POLR1A: variants seen among roughly 807,000 people sequenced by gnomAD.
The protein encoded by POLR1A is RNA polymerase I subunit A, also known as DNA-directed RNA polymerase I subunit RPA1.
Under a neutral mutation model 205.3 loss-of-function variants are expected in POLR1A, and 84 were observed. That is an observed-to-expected ratio of 0.41 (90% CI 0.34 to 0.49). The LOEUF (loss-of-function observed/expected upper bound fraction) is 0.49. Among genes scored for constraint, POLR1A ranks in the 20% least tolerant of loss-of-function variants. The probability of loss-of-function intolerance (pLI) is 0.22; values close to 1 mark genes in which losing one functional copy is unlikely to be tolerated. For missense variants in POLR1A, 1,645 were observed against 2,204.5 expected (o/e 0.75, Z 5.08); for synonymous variants, 799 against 863.7 (o/e 0.93, Z 1.31).
Position 86,078,107 on chromosome 2 carries a change from TGCTCACC to T in POLR1A, c.1257_1257+6del. On this transcript the variant is annotated splice_donor_variant and splice_donor_5th_base_variant and coding_sequence_variant and intron_variant, in exon 10 of 34. Coordinates refer to ENST00000263857, the MANE Select transcript of POLR1A (RefSeq NM_015425.6). LOFTEE classifies it high-confidence loss of function. ...AGCTAGCAATGGGAATCCAGTTTTTTGCTCACCTGCCTAATGCCTGGGTACTTGTCCA... is the reference window on the plus strand; with the variant it reads ...AGCTAGCAATGGGAATCCAGTTTTTTTGCCTAATGCCTGGGTACTTGTCCA... 6.2e-7 allele frequency: 1 copy of T among 1,613,118 alleles called. No homozygotes were observed. The highest frequency in any genetic ancestry group is 8.5e-7 in the Non-Finnish European group (1 of 1,179,802).
Position 86,028,946 on chromosome 2 carries a change from T to C in POLR1A, c.4780-235A>G, listed in dbSNP as rs1672325665. On this transcript the variant is annotated intron_variant, in intron 31 of 33. Transcript: ENST00000263857. This position sits in a 1 kb window ranked among gnomAD's most constrained non-coding sequence, Gnocchi z 4.5. ...ATCGTCATTACAAGAATCCAGCGTG[T>C]CCACTTTGGACACGCTTTAGATTCA... is the stretch of plus-strand genomic sequence containing the variant. 3 of 518,106 alleles carry C rather than the reference T, an allele frequency of 5.8e-6. No homozygotes were observed. The highest frequency in any genetic ancestry group is 6.9e-6 in the Non-Finnish European group (2 of 290,522). 32.1% of individuals were successfully genotyped at this position (518,106 alleles called of 1,614,324 possible). A position where few individuals can be genotyped will look rare whatever the true frequency, so the allele number is the denominator to read the frequency against.
chr2:86,090,457 A>G (rs1459627011), intron 3 of POLR1A, among the ~76,000 whole-genome samples: 1 of 151,962 alleles, frequency 6.6e-6, no homozygotes, highest in East Asian at 1.9e-4. Flanking sequence ...GATTCCCCAG[A>G]CCAAACCTAA....
intron 21 of POLR1A, 85 bp downstream of exon 21, chr2:86,045,186 GAATCTTA>G: frequency 1.2e-6 from 1 of 857,358 alleles, no homozygotes. Flanking sequence ...TTCATCCAAG[GAATCTTA>G]AATGAGCTGC....
intron 13 of POLR1A, among the ~76,000 whole-genome samples, chr2:86,066,669 G>A (rs1248085193): frequency 6.6e-6 from 1 of 152,172 alleles, no homozygotes; most frequent in Non-Finnish European, 1.5e-5. Context: ...AATGCAGTCT[G>A]GGAGAAGCAC....
At chr2:86,051,194 T>C (rs1439257158) in intron 16 of POLR1A, among the ~76,000 whole-genome samples, 1 of 152,178 alleles carries the variant, frequency 6.6e-6, no homozygotes, top group African/African-American at 2.4e-5. Context: ...ATAAATACAT[T>C]TGGACATTTG....
intron 4 of POLR1A, among the ~76,000 whole-genome samples, chr2:86,089,190 T>C (rs1673559286): frequency 6.6e-6 from 1 of 152,230 alleles, no homozygotes; most frequent in South Asian, 2.1e-4. Flanking sequence ...CTAGTTACTT[T>C]CACTTGTAAA....
chr2:86,098,834 A>C, intron 2 of POLR1A, 74 bp from the exon 3 acceptor site: 4 of 1,437,890 alleles, frequency 2.8e-6, no homozygotes, highest in Non-Finnish European at 2.9e-6. Context: ...CGGTATACTC[A>C]CAAGTTTCTT....
intron 8 of POLR1A, 73 bp downstream of exon 8, chr2:86,081,528 T>G (rs1673401277): frequency 2.1e-6 from 2 of 936,466 alleles, no homozygotes; most frequent in East Asian, 2.5e-5. Context: ...CCCTTTCACC[T>G]CTCCTAGAGG....
At chr2:86,050,875 G>A (rs955306730) in intron 16 of POLR1A, among the ~76,000 whole-genome samples, 3 of 152,200 alleles carry the variant, frequency 2.0e-5, no homozygotes, top group Non-Finnish European at 4.4e-5. Context: ...CTGGAAGTGG[G>A]TGACCTTGGA....
intron 4 of POLR1A, among the ~76,000 whole-genome samples, chr2:86,089,087 A>G (rs1352008989): frequency 6.6e-6 from 1 of 152,274 alleles, no homozygotes; most frequent in African/African-American, 2.4e-5. Context: ...ATAATATGGG[A>G]ATAAGAATAG....
chr2:86,051,240 G>A (rs577207148), intron 16 of POLR1A, among the ~76,000 whole-genome samples: 6 of 152,278 alleles, frequency 3.9e-5, no homozygotes, highest in South Asian at 2.1e-4. Flanking sequence ...AGTATGTAGC[G>A]TAGGATCCCA....
chr2:86,039,574 G>T (rs1672562415), intron 25 of POLR1A, 112 bp from the exon 26 acceptor site: 1 of 1,223,206 alleles, frequency 8.2e-7, no homozygotes, highest in Non-Finnish European at 1.2e-6. Flanking sequence ...GAGGCCTGGG[G>T]ATCTCACAGG....
chr2:86,076,563 A>C (rs1673287454), intron 11 of POLR1A, among the ~76,000 whole-genome samples: 1 of 152,100 alleles, frequency 6.6e-6, no homozygotes, highest in African/African-American at 2.4e-5. Flanking sequence ...TATCCACTCT[A>C]ATCTTCCCAG....
chr2:86,023,351 C>G lies in POLR1A; in HGVS notation c.*4072G>C, dbSNP rs902538815. The G allele has an allele frequency of 3.9e-5, 6 of 152,334 alleles. No individual in the cohort carries two copies. The highest frequency in any genetic ancestry group is 3.9e-4 in the Admixed American group (6 of 15,304). 9.4% of individuals were successfully genotyped at this position (152,334 alleles called of 1,614,324 possible). The stretch of plus-strand genomic sequence containing the variant: ...AACGATGAAAGACTCAACGAACCAG[C>G]CTTTAACGACCAGTCTTTTCTATTT... On this transcript the variant is annotated 3_prime_UTR_variant, in exon 34 of 34. Coordinates refer to ENST00000263857, the MANE Select transcript of POLR1A (RefSeq NM_015425.6).
chr2:86,039,545 G>C, intron 25 of POLR1A, 83 bp from the exon 26 acceptor site: 2 of 1,515,988 alleles, frequency 1.3e-6, no homozygotes, highest in Non-Finnish European at 1.8e-6. Context: ...TGATGTCAGA[G>C]TTCTTTTGGA....
At chr2:86,044,071 C>G in intron 22 of POLR1A, 68 bp downstream of exon 22, 1 of 1,516,756 alleles carries the variant, frequency 6.6e-7, no homozygotes, top group Non-Finnish European at 9.1e-7. Flanking sequence ...TCAGCGCATT[C>G]CAGTTCTCTA....
chr2:86,054,242 T>C lies in POLR1A; in HGVS notation c.2106A>G (p.Pro702=). The C allele has an allele frequency of 1.2e-6, 2 of 1,613,926 alleles. No homozygotes were observed. The highest frequency in any genetic ancestry group is 8.5e-7 in the Non-Finnish European group (1 of 1,179,878). ...LINIIPEDHI[P]LNLSGKAKIT... ...TTTTCGCCTTTCCAGATAAGTTCAG[T>C]GGGATGTGGTCCTCTGGGATTATAT... Residue 702 remains proline (P), a synonymous_variant, in exon 15 of 34, where the codon CCA becomes CCG. Coordinates refer to ENST00000263857, the MANE Select transcript of POLR1A (RefSeq NM_015425.6).
At chr2:86,076,200 G>A (rs1200345888) in intron 11 of POLR1A, among the ~76,000 whole-genome samples, 1 of 152,188 alleles carries the variant, frequency 6.6e-6, no homozygotes, top group Non-Finnish European at 1.5e-5. Context: ...GCTTCCAAAT[G>A]TACACAAATA....
intron 1 of POLR1A, among the ~76,000 whole-genome samples, chr2:86,101,788 A>G (rs945594263): frequency 6.6e-6 from 1 of 152,144 alleles, no homozygotes; most frequent in African/African-American, 2.4e-5. Flanking sequence ...TGTACCCATT[A>G]TACAGTAATT....
Sources: gnomAD v4.1 joint callset for allele counts (sites outside exome capture counted in the v4.1 genomes callset) on GRCh38, gnomAD v4.1.1 for gene constraint, Gnocchi (gnomAD v3.1) non-coding constraint, MANE v1.5 for transcripts, NCBI Gene and HGNC (gene_info 2026-07-23, HGNC 2026-07-21) for gene names.